PARP14: variants seen among roughly 807,000 people sequenced by gnomAD.
The protein encoded by PARP14 is protein mono-ADP-ribosyltransferase PARP14.
In PARP14, 59 loss-of-function variants were observed where a neutral mutation model predicts 154.2. That is an observed-to-expected ratio of 0.38 (90% CI 0.31 to 0.48). The LOEUF (loss-of-function observed/expected upper bound fraction) is 0.48. Among genes scored for constraint, PARP14 ranks in the 20% least tolerant of loss-of-function variants. The pLI is 0.98. For missense variants in PARP14, 1,734 were observed against 2,131.6 expected (o/e 0.81, Z 3.67); for synonymous variants, 720 against 780.5 (o/e 0.92, Z 1.29).
rs1185874852 is a variant in PARP14 at position 122,681,271 on chromosome 3, G to C, written c.187+201G>C. ...GCGCTGCGGTTCCCCGGCGCCCTGC[G>C]CTTCCAGGCGCTTAATGGCGCGGCC... On this transcript the variant is annotated intron_variant, in intron 1 of 16. Transcript: ENST00000474629. The surrounding 1 kb of genome is among the most constrained non-coding windows in gnomAD (Gnocchi z 5.5). 6.6e-6 allele frequency among the ~76,000 whole-genome samples: 1 copy of C among 151,208 alleles called. No homozygotes were observed. The highest frequency in any genetic ancestry group is 1.5e-5 in the Non-Finnish European group (1 of 67,700).
At chr3:122,688,535 G>C (rs1938444543) in intron 3 of PARP14, among the ~76,000 whole-genome samples, 1 of 152,100 alleles carries the variant, frequency 6.6e-6, no homozygotes, top group Non-Finnish European at 1.5e-5. Flanking sequence ...AATTTGGGTT[G>C]TCTACACCAG....
chr3:122,700,344 A>G lies in PARP14; in HGVS notation c.1790A>G (p.Asn597Ser), dbSNP rs1033441076. The change falls in exon 6 of 17, where the codon AAT (asparagine) becomes AGT (serine). Residue 597 changes from asparagine (N) to serine (S), a missense_variant. Asn to Ser is a conservative substitution (Grantham distance 46). This residue lies in a region of PARP14 where 1,646 missense variants were observed against 1,976.0 expected (regional missense o/e 0.83). Coordinates refer to ENST00000474629, the MANE Select transcript of PARP14 (RefSeq NM_017554.3). Reference protein sequence around the residue: ...EAEKQMLSALNYKRIEVENKE... With the variant: ...EAEKQMLSALSYKRIEVENKE... The stretch of plus-strand genomic sequence containing the variant: ...GAAAAGCAAATGCTCAGTGCCTTAA[A>G]TTATAAGCGCATTGAAGTTGAGAAC... 13 of 1,613,848 alleles carry G rather than the reference A, an allele frequency of 8.1e-6. No homozygotes were observed. The highest frequency in any genetic ancestry group is 1.1e-5 in the Non-Finnish European group (13 of 1,179,804).
At chr3:122,691,442 C>T (rs777604248) in intron 3 of PARP14, among the ~76,000 whole-genome samples, 14 of 152,210 alleles carry the variant, frequency 9.2e-5, no homozygotes, top group East Asian at 1.9e-4. Context: ...TGCCATTCAG[C>T]GGGCTTCGTA....
intron 8 of PARP14, among the ~76,000 whole-genome samples, chr3:122,706,366 A>C (rs575430446): frequency 2.0e-5 from 3 of 152,360 alleles, no homozygotes; most frequent in African/African-American, 7.2e-5. Context: ...AGACTGTCAC[A>C]GAGGATGCAA....
chr3:122,688,894 G>A (rs1938456746), intron 3 of PARP14, among the ~76,000 whole-genome samples: 1 of 152,178 alleles, frequency 6.6e-6, no homozygotes, highest in South Asian at 2.1e-4. Flanking sequence ...TGCAGGAGCT[G>A]ACAGGGCAGG....
intron 7 of PARP14, among the ~76,000 whole-genome samples, chr3:122,704,252 G>GC (rs1275079754): frequency 2.0e-5 from 3 of 152,222 alleles, no homozygotes; most frequent in Non-Finnish European, 4.4e-5. Flanking sequence ...AGTGAAGAAA[G>GC]CCAGAGGAGG....
At chr3:122,726,672 CA>C (rs955091412) in intron 15 of PARP14, among the ~76,000 whole-genome samples, 84 of 151,972 alleles carry the variant, frequency 5.5e-4, no homozygotes, top group African/African-American at 1.8e-3. Flanking sequence ...TTACTATATT[CA>C]AAAATTACTT....
chr3:122,696,538 T>G (rs1195250176), intron 5 of PARP14, among the ~76,000 whole-genome samples: 2 of 152,116 alleles, frequency 1.3e-5, no homozygotes, highest in African/African-American at 4.8e-5. Flanking sequence ...AAAGAGGAGC[T>G]TCTGTCACAT....
At position 122,714,399 on chromosome 3, in the gene PARP14, T is replaced by C. The variant is rs779143812; in HGVS notation, c.3970T>C (p.Ser1324Pro). The C allele has an allele frequency of 1.3e-6, 2 of 1,582,576 alleles. No homozygotes were observed. Among genetic ancestry groups the C allele is most frequent in the Non-Finnish European group, 8.5e-7 (1 of 1,170,156 alleles). ...VLQECEKKNYSSICLPAIGTG... is the reference protein window; with the variant it reads ...VLQECEKKNYPSICLPAIGTG... ...GCAGGAGTGTGAAAAAAAAAATTAC[T>C]CATCCATTTGCCTCCCAGCCATTGG... Residue 1324 changes from serine to proline, a missense_variant, in exon 12 of 17, where the codon TCA becomes CCA. Ser to Pro is a moderately conservative substitution (Grantham distance 74). Around this residue, in one of 2 missense-constraint regions of PARP14, gnomAD observed 1,646 missense variants for 1,976.0 expected, o/e 0.83. Coordinates refer to ENST00000474629, the MANE Select transcript of PARP14 (RefSeq NM_017554.3).
intron 6 of PARP14, among the ~76,000 whole-genome samples, chr3:122,702,453 C>T (rs951352281): frequency 3.3e-5 from 5 of 152,118 alleles, no homozygotes; most frequent in African/African-American, 7.2e-5. Context: ...CTCCTGACCT[C>T]GGGTGATCCG....
intron 9 of PARP14, among the ~76,000 whole-genome samples, chr3:122,709,487 A>G (rs893005618): frequency 1.3e-5 from 2 of 152,146 alleles, no homozygotes; most frequent in South Asian, 2.1e-4. Flanking sequence ...CATATCTTAA[A>G]TTGTGCTGCT....
chr3:122,690,232 C>A (rs1253826717), intron 3 of PARP14, among the ~76,000 whole-genome samples: 4 of 152,144 alleles, frequency 2.6e-5, no homozygotes, highest in Non-Finnish European at 4.4e-5. Flanking sequence ...TAGTCCTATA[C>A]CCTCATTTTA....
chr3:122,688,086 T>C lies in PARP14; in HGVS notation c.355+973T>C, dbSNP rs1252407008. ...AGCTCAGGAGTTTTATGAAATAGGATTTTTTTTTTTGTCTCTTTAGAGTAA... is the reference window on the plus strand; with the variant it reads ...AGCTCAGGAGTTTTATGAAATAGGACTTTTTTTTTTGTCTCTTTAGAGTAA... On this transcript the variant is annotated intron_variant, in intron 3 of 16. Transcript: ENST00000474629. Among the ~76,000 whole-genome samples, 6 of 110,954 alleles carry C rather than the reference T, an allele frequency of 5.4e-5. No individual in the cohort carries two copies. In the Admixed American group the frequency reaches 5.8e-4, roughly 11 times the overall value. 72.8% of individuals were successfully genotyped at this position (110,954 alleles called of 152,430 possible).
At chr3:122,696,911 C>T (rs1938796061) in intron 5 of PARP14, among the ~76,000 whole-genome samples, 1 of 152,048 alleles carries the variant, frequency 6.6e-6, no homozygotes, top group Non-Finnish European at 1.5e-5. Flanking sequence ...GATTTACTGA[C>T]TTTCTTTTAT....
intron 8 of PARP14, among the ~76,000 whole-genome samples, 173 bp downstream of exon 8, chr3:122,704,921 A>T (rs906982490): frequency 6.6e-6 from 1 of 152,242 alleles, no homozygotes; most frequent in Non-Finnish European, 1.5e-5. Flanking sequence ...GAAAAGTTAC[A>T]GATGTAGAAA....
At chr3:122,716,698 T>G (rs977942409) in intron 12 of PARP14, among the ~76,000 whole-genome samples, 1 of 152,178 alleles carries the variant, frequency 6.6e-6, no homozygotes, top group African/African-American at 2.4e-5. Context: ...TCTTGTCTTT[T>G]GACTAAGCTT....
chr3:122,691,807 G>T (rs72964316), intron 3 of PARP14, among the ~76,000 whole-genome samples: 2 of 152,098 alleles, frequency 1.3e-5, no homozygotes, highest in African/African-American at 4.8e-5. Context: ...CCTCAAAAAG[G>T]CCAGGCAGAA....
At chr3:122,707,683 AGCTACTTGGGAG>A (rs1275590600) in intron 8 of PARP14, among the ~76,000 whole-genome samples, 1 of 152,140 alleles carries the variant, frequency 6.6e-6, no homozygotes. Flanking sequence ...TTATAGTCCC[AGCTACTTGGGAG>A]GCTGAGGTGG....
chr3:122,681,041 G>A lies in PARP14; in HGVS notation c.158G>A (p.Arg53His), dbSNP rs1158604749. ...EVRQDPRSPS[R>H]FLVFFYPEDV... The stretch of plus-strand genomic sequence containing the variant: ...CGCCAGGATCCCAGGAGCCCATCCC[G>A]CTTCCTGGTGTTCTTCTACCCGGAG... Residue 53 changes from arginine (R) to histidine (H), a missense_variant, in exon 1 of 17, where the codon CGC (arginine) becomes CAC (histidine). Transcript: ENST00000474629. The surrounding 1 kb of genome is among the most constrained non-coding windows in gnomAD (Gnocchi z 5.5). 1.2e-6 allele frequency: 2 copies of A among 1,613,746 alleles called. No homozygotes were observed. Among genetic ancestry groups the A allele is most frequent in the Admixed American group, 1.7e-5 (1 of 60,022 alleles).
Sources: gnomAD v4.1 joint callset for allele counts (sites outside exome capture counted in the v4.1 genomes callset) on GRCh38, gnomAD v4.1.1 for gene constraint, gnomAD v4.1.1 regional missense constraint, Gnocchi (gnomAD v3.1) non-coding constraint, MANE v1.5 for transcripts, NCBI Gene and HGNC (gene_info 2026-07-23, HGNC 2026-07-21) for gene names.